The following SNX29 variants were observed in gnomAD, a reference collection of about 807,000 sequenced individuals.
SNX29 encodes the protein sorting nexin 29.
In SNX29, 78 loss-of-function variants were observed where a neutral mutation model predicts 102.1. That is an observed-to-expected ratio of 0.76 (90% CI 0.64 to 0.92). The LOEUF is 0.92. Ranked by LOEUF, SNX29 falls within the 40% of genes least tolerant of loss-of-function variation. The pLI is 0.00. For missense variants in SNX29, 1,280 were observed against 1,061.7 expected (o/e 1.21, Z -2.86); for synonymous variants, 580 against 414.5 (o/e 1.40, Z -4.85).
chr16:12,329,620 A>G lies in SNX29; in HGVS notation c.1783-26543A>G, dbSNP rs374999697. ...TTTGTACCCCACACAGCCCTATGCA[A>G]TAAACAGGAGTGTGTATTACCTTCG... is the stretch of plus-strand genomic sequence containing the variant. On this transcript the variant is annotated intron_variant, in intron 15 of 20. Coordinates refer to ENST00000566228, the MANE Select transcript of SNX29 (RefSeq NM_032167.5). 4.4e-3 allele frequency among the ~76,000 whole-genome samples: 671 copies of G among 152,288 alleles called. 1 individual carries two copies. Among genetic ancestry groups the G allele is most frequent in the Non-Finnish European group, 7.4e-3 (506 of 68,034 alleles).
intron 19 of SNX29, among the ~76,000 whole-genome samples, chr16:12,495,962 C>G (rs61468593): frequency 0.2 from 30,440 of 152,100 alleles, 3,430 homozygotes; most frequent in South Asian, 0.39. Flanking sequence ...GCAGTAGAAT[C>G]TCATGAACTC....
At chr16:12,177,029 C>G (rs1280672987) in intron 13 of SNX29, among the ~76,000 whole-genome samples, 2 of 152,104 alleles carry the variant, frequency 1.3e-5, no homozygotes, top group African/African-American at 4.8e-5. Flanking sequence ...CTTACTGTAG[C>G]TTCCAACTCC....
intron 10 of SNX29, among the ~76,000 whole-genome samples, chr16:12,074,129 C>T (rs1270750970): frequency 6.7e-6 from 1 of 150,338 alleles, no homozygotes; most frequent in African/African-American, 2.4e-5. Context: ...ATCCAATTTG[C>T]CAGTCTGTGT....
chr16:12,197,170 C>G (rs148479048), intron 13 of SNX29, among the ~76,000 whole-genome samples: 3 of 152,318 alleles, frequency 2.0e-5, no homozygotes, highest in Admixed American at 6.5e-5. Context: ...ATGTCTATAA[C>G]TGCCTTTCTT....
At chr16:12,077,306 A>G (rs1028433446) in intron 10 of SNX29, among the ~76,000 whole-genome samples, 2 of 151,756 alleles carry the variant, frequency 1.3e-5, no homozygotes, top group East Asian at 1.9e-4. Flanking sequence ...AAAATGCAAC[A>G]GTAAATGAAA....
At chr16:12,041,291 T>C (rs1204960865) in intron 4 of SNX29, among the ~76,000 whole-genome samples, 1 of 152,092 alleles carries the variant, frequency 6.6e-6, no homozygotes, top group South Asian at 2.1e-4. Context: ...ATTGTATTTT[T>C]AGTAGAGATG....
intron 13 of SNX29, among the ~76,000 whole-genome samples, chr16:12,131,306 T>G (rs2054458101): frequency 6.6e-6 from 1 of 152,268 alleles, no homozygotes; most frequent in African/African-American, 2.4e-5. Flanking sequence ...TCACTTTGTT[T>G]ATATACTATT....
chr16:12,515,488 C>T (rs1169434985), intron 19 of SNX29: 13 of 485,972 alleles, frequency 2.7e-5, no homozygotes, highest in South Asian at 6.2e-5. Flanking sequence ...GAAACCCATT[C>T]GCTTCTCCTT....
intron 1 of SNX29, among the ~76,000 whole-genome samples, chr16:11,981,695 A>G (rs2055419400): frequency 6.6e-6 from 1 of 152,200 alleles, no homozygotes; most frequent in Non-Finnish European, 1.5e-5. Context: ...TACATTAAGT[A>G]CAAATAACCA....
chr16:12,470,768 C>T (rs1336934045), intron 18 of SNX29, among the ~76,000 whole-genome samples: 1 of 152,202 alleles, frequency 6.6e-6, no homozygotes, highest in African/African-American at 2.4e-5. Context: ...GATTGCACAT[C>T]CTATAATTAG....
At chr16:11,995,988 A>G (rs1488884194) in intron 1 of SNX29, among the ~76,000 whole-genome samples, 1 of 149,574 alleles carries the variant, frequency 6.7e-6, no homozygotes, top group Non-Finnish European at 1.5e-5. Context: ...TGAACCTGGG[A>G]GGTGGAGGTT....
At chr16:12,449,355 GC>G (rs201368108) in intron 18 of SNX29, among the ~76,000 whole-genome samples, 1 of 151,990 alleles carries the variant, frequency 6.6e-6, no homozygotes, top group East Asian at 2.0e-4. Flanking sequence ...GAGGGAACAG[GC>G]TTGAGAATAG....
intron 20 of SNX29, among the ~76,000 whole-genome samples, chr16:12,549,689 T>C (rs1447156850): frequency 6.6e-6 from 1 of 152,214 alleles, no homozygotes; most frequent in Non-Finnish European, 1.5e-5. Context: ...CATCTTGATG[T>C]CGCAGATGCT....
intron 10 of SNX29, 112 bp downstream of exon 10, chr16:12,069,244 G>C: frequency 1.2e-6 from 1 of 845,250 alleles, no homozygotes; most frequent in Non-Finnish European, 1.8e-6. Flanking sequence ...AAGGGCAAGG[G>C]TTTACTTCAC....
chr16:12,234,021 G>A (rs981919068), intron 14 of SNX29, among the ~76,000 whole-genome samples: 1 of 152,148 alleles, frequency 6.6e-6, no homozygotes, highest in Admixed American at 6.5e-5. Context: ...GGACATTTGG[G>A]TTTCACTTTT....
intron 15 of SNX29, among the ~76,000 whole-genome samples, chr16:12,291,759 G>A (rs1299842895): frequency 6.6e-6 from 1 of 152,236 alleles, no homozygotes; most frequent in African/African-American, 2.4e-5. Flanking sequence ...GGAGAAGGGA[G>A]ATTGGGGAGA....
chr16:12,494,338 T>G (rs1210685601), intron 19 of SNX29, among the ~76,000 whole-genome samples: 2 of 152,212 alleles, frequency 1.3e-5, no homozygotes, highest in East Asian at 1.9e-4. Context: ...CACGCTTGTT[T>G]AATTGTCTCC....
chr16:12,572,776 C>A lies in SNX29; in HGVS notation c.*4147C>A, dbSNP rs1038307208. 9.4e-7 allele frequency: 1 copy of A among 1,063,842 alleles called. No individual in the cohort carries two copies. Among genetic ancestry groups the A allele is most frequent in the East Asian group, 5.0e-5 (1 of 19,922 alleles). The allele number at this position is 1,063,842 out of a possible 1,614,324, so 65.9% of individuals were successfully genotyped here. A position where few individuals can be genotyped will look rare whatever the true frequency, so the allele number is the denominator to read the frequency against. On this transcript the variant is annotated 3_prime_UTR_variant, in exon 21 of 21. Transcript: ENST00000566228. The stretch of plus-strand genomic sequence containing the variant: ...AGCTTCTGGGACCCGAGGAAGACCC[C>A]ACCTCACTCCTCCTTCCCCAGTACA...
intron 15 of SNX29, among the ~76,000 whole-genome samples, chr16:12,317,495 C>T (rs970390158): frequency 6.6e-6 from 1 of 152,134 alleles, no homozygotes; most frequent in Non-Finnish European, 1.5e-5. Context: ...GGTGGCCCTT[C>T]CTGTGCCTTT....
Sources: gnomAD v4.1 joint callset for allele counts (sites outside exome capture counted in the v4.1 genomes callset) on GRCh38, gnomAD v4.1.1 for gene constraint, MANE v1.5 for transcripts, NCBI Gene and HGNC (gene_info 2026-07-23, HGNC 2026-07-21) for gene names.